The following COPS3 variants were observed in gnomAD, a reference collection of about 807,000 sequenced individuals.
COPS3 encodes the protein COP9 signalosome subunit 3, also known as COP9 signalosome complex subunit 3.
Under a neutral mutation model 58.2 loss-of-function variants are expected in COPS3, and 10 were observed. The ratio of observed to expected loss-of-function variants is 0.17; its 90% CI spans 0.11 to 0.29. The LOEUF is 0.29. Among genes scored for constraint, COPS3 ranks in the 10% least tolerant of loss-of-function variants. The pLI is 1.00. For missense variants in COPS3, 333 were observed against 510.1 expected (o/e 0.65, Z 3.34); for synonymous variants, 187 against 181.7 (o/e 1.03, Z -0.24).
intron 6 of COPS3, among the ~76,000 whole-genome samples, chr17:17,263,465 C>G (rs934602310): frequency 6.7e-6 from 1 of 149,948 alleles, no homozygotes; most frequent in Non-Finnish European, 1.5e-5. Flanking sequence ...TCCCAGTGTG[C>G]TGGGATTACA....
chr17:17,251,137 G>A (rs773719992), intron 9 of COPS3, among the ~76,000 whole-genome samples: 5 of 152,018 alleles, frequency 3.3e-5, no homozygotes, highest in African/African-American at 4.8e-5. Flanking sequence ...TGGGACTACA[G>A]GCATCTGCCA....
chr17:17,270,518 AC>A (rs1310010908), intron 4 of COPS3, among the ~76,000 whole-genome samples: 1 of 152,048 alleles, frequency 6.6e-6, no homozygotes, highest in African/African-American at 2.4e-5. Flanking sequence ...GGTAATTCCA[AC>A]TACTTGGTAG....
chr17:17,255,438 A>C (rs2047947203), intron 8 of COPS3, among the ~76,000 whole-genome samples: 1 of 148,922 alleles, frequency 6.7e-6, no homozygotes, highest in Non-Finnish European at 1.5e-5. Flanking sequence ...GTGAGCTGAG[A>C]CTGCGCCACT....
chr17:17,261,412 G>C (rs2048096564), intron 7 of COPS3, among the ~76,000 whole-genome samples: 2 of 152,120 alleles, frequency 1.3e-5, no homozygotes, highest in Non-Finnish European at 2.9e-5. Context: ...TGTAGTCCCA[G>C]CTACTCGGGA....
At chr17:17,255,299 CAAAACAA>C (rs140648126) in intron 8 of COPS3, among the ~76,000 whole-genome samples, 16,547 of 146,868 alleles carry the variant, frequency 0.11, 1,149 homozygotes, top group South Asian at 0.22. Context: ...GACTCTGTCT[CAAAACAA>C]AAAACAAAAA....
At chr17:17,260,035 G>A (rs1311193438) in intron 8 of COPS3, among the ~76,000 whole-genome samples, 1 of 152,210 alleles carries the variant, frequency 6.6e-6, no homozygotes, top group Non-Finnish European at 1.5e-5. Context: ...CTCTGAGGCT[G>A]CCTTTCACTG....
At chr17:17,277,620 A>T (rs1567864707) in intron 1 of COPS3, among the ~76,000 whole-genome samples, 1 of 151,450 alleles carries the variant, frequency 6.6e-6, no homozygotes, top group African/African-American at 2.4e-5. Context: ...GGGTCTCACT[A>T]TGTTGCCCAG....
intron 11 of COPS3, 36 bp from the exon 12 acceptor site, chr17:17,247,187 G>C: frequency 6.2e-7 from 1 of 1,600,160 alleles, no homozygotes; most frequent in Admixed American, 1.7e-5. Context: ...ATTTATGTTT[G>C]CTTTTATCAA....
intron 6 of COPS3, among the ~76,000 whole-genome samples, chr17:17,263,662 C>T (rs2048159768): frequency 6.6e-6 from 1 of 151,786 alleles, no homozygotes; most frequent in Non-Finnish European, 1.5e-5. Context: ...TACAGGCATG[C>T]ACCACCATGC....
chr17:17,281,177 C>T lies in COPS3; in HGVS notation c.10G>A (p.Ala4Thr), dbSNP rs2048577995. Residue 4 changes from alanine (A) to threonine (T), a missense_variant, in exon 1 of 12, where the codon GCC becomes ACC. Physicochemically the swap from Ala to Thr is moderately conservative, Grantham distance 58 (BLOSUM62 0). Coordinates refer to ENST00000268717, the MANE Select transcript of COPS3 (RefSeq NM_003653.4). Reference sequence around the variant, plus strand: ...ACACTGTTCACGAACTGCTCCAGGGCAGACGCCATGTTTTCCCCCGGGCGG... The same window carrying T: ...ACACTGTTCACGAACTGCTCCAGGGTAGACGCCATGTTTTCCCCCGGGCGG... Reference protein sequence around the residue: MASALEQFVNSVRQ... With the variant: MASTLEQFVNSVRQ... 1 of 1,611,270 alleles carries T rather than the reference C, an allele frequency of 6.2e-7. No homozygotes were observed.
At chr17:17,260,211 C>G (rs1490708178) in intron 8 of COPS3, 90 bp downstream of exon 8, 1 of 1,278,532 alleles carries the variant, frequency 7.8e-7, no homozygotes, top group Non-Finnish European at 1.1e-6. Flanking sequence ...TATCCCTGTA[C>G]CTGCTTCCTC....
At chr17:17,263,525 TTTTTTGAGATGGAGTTTTGCTCTTG>T in intron 6 of COPS3, among the ~76,000 whole-genome samples, 1 of 142,528 alleles carries the variant, frequency 7.0e-6, no homozygotes, top group African/African-American at 2.6e-5. Flanking sequence ...TTTTTTTTTT[TTTTTTGAGATGGAGTTTTGCTCTTG>T]TTGCCCAAGC....
chr17:17,266,805 T>TA (rs926353114), intron 5 of COPS3, among the ~76,000 whole-genome samples: 3,061 of 132,730 alleles, frequency 0.023, 94 homozygotes, highest in African/African-American at 0.077. Context: ...TCTCAAAAAA[T>TA]AAAAAAAAAA....
chr17:17,248,861 GGA>G, intron 10 of COPS3, 63 bp downstream of exon 10: 1 of 1,001,252 alleles, frequency 1.0e-6, no homozygotes, highest in Non-Finnish European at 1.5e-6. Flanking sequence ...CTGGAACATA[GGA>G]GCAATTTTCA....
intron 9 of COPS3, among the ~76,000 whole-genome samples, chr17:17,252,946 G>A (rs1218009187): frequency 6.6e-6 from 1 of 152,140 alleles, no homozygotes; most frequent in East Asian, 1.9e-4. Flanking sequence ...ACTCAGCTGG[G>A]TGCAGTGGCT....
intron 8 of COPS3, among the ~76,000 whole-genome samples, chr17:17,258,835 C>T (rs2048033133): frequency 6.6e-6 from 1 of 152,168 alleles, no homozygotes; most frequent in African/African-American, 2.4e-5. Flanking sequence ...CTTTCACGTT[C>T]TTCATTTTTC....
chr17:17,272,279 C>T (rs986246994), intron 2 of COPS3, among the ~76,000 whole-genome samples: 2 of 152,040 alleles, frequency 1.3e-5, no homozygotes, highest in Admixed American at 6.6e-5. Flanking sequence ...AAAAATTAGC[C>T]GGGCGTGGTG....
intron 10 of COPS3, among the ~76,000 whole-genome samples, chr17:17,248,390 T>G (rs750788763): frequency 6.6e-6 from 1 of 152,212 alleles, no homozygotes; most frequent in Non-Finnish European, 1.5e-5. Flanking sequence ...CTCAGCTTAC[T>G]GTAACATCTG....
At chr17:17,252,197 ATGTGTTTAGCCGTACACTTAAG>A (rs1597660408) in intron 9 of COPS3, among the ~76,000 whole-genome samples, 1 of 152,242 alleles carries the variant, frequency 6.6e-6, no homozygotes, top group East Asian at 1.9e-4. Context: ...CTTTGTGAAA[ATGTGTTTAGCCGTACACTTAAG>A]TGTACTTTTC....
Sources: allele counts gnomAD v4.1 joint callset (sites outside exome capture counted in the v4.1 genomes callset), GRCh38; gene constraint gnomAD v4.1.1; transcripts MANE v1.5; gene names NCBI Gene and HGNC (gene_info 2026-07-23, HGNC 2026-07-21).